KCTD8: variants seen among roughly 807,000 people sequenced by gnomAD.
KCTD8 encodes potassium channel tetramerization domain containing 8.
Under a neutral mutation model 31.5 loss-of-function variants are expected in KCTD8, and 27 were observed. That is an observed-to-expected ratio of 0.86 (90% CI 0.63 to 1.18). KCTD8 has a LOEUF of 1.18. KCTD8 is among the 50% of genes most tolerant of loss of function. The pLI, the probability that KCTD8 is intolerant of heterozygous loss-of-function variation, is 0.00. For synonymous variants in KCTD8, 290 were observed against 280.0 expected (o/e 1.04, Z -0.36); for missense variants, 658 against 647.7 (o/e 1.02, Z -0.17).
intron 1 of KCTD8, among the ~76,000 whole-genome samples, chr4:44,178,281 T>G (rs2109328522): frequency 6.6e-6 from 1 of 152,268 alleles, no homozygotes; most frequent in East Asian, 1.9e-4. Context: ...GTGGTATTTT[T>G]TGAATGTGCA....
chr4:44,357,907 T>C (rs1719386196), intron 1 of KCTD8, among the ~76,000 whole-genome samples: 1 of 151,620 alleles, frequency 6.6e-6, no homozygotes, highest in South Asian at 2.1e-4. Context: ...ATTATTATAA[T>C]TATTATTATA....
At chr4:44,320,546 T>A (rs1718267919) in intron 1 of KCTD8, among the ~76,000 whole-genome samples, 1 of 152,200 alleles carries the variant, frequency 6.6e-6, no homozygotes, top group African/African-American at 2.4e-5. Flanking sequence ...TAAAGCATCA[T>A]ACATTTTGGT....
At position 44,212,930 on chromosome 4, in the gene KCTD8, TTTTG is replaced by T. The variant is rs1005865657; in HGVS notation, c.962-37684_962-37681del. On this transcript the variant is annotated intron_variant, in intron 1 of 1. Transcript: ENST00000360029. ...ATTCACTCTTCTTTTGTCTTTGTTT[TTTTG>T]TTTGTTTGTTTGTTTGTTTTTGAGA... 5.0e-4 allele frequency among the ~76,000 whole-genome samples: 76 copies of T among 152,176 alleles called. 2 individuals are homozygous for T. The highest frequency in any genetic ancestry group is 2.2e-4 in the African/African-American group (9 of 41,526).
intron 1 of KCTD8, among the ~76,000 whole-genome samples, chr4:44,390,574 T>C (rs549618008): frequency 6.6e-6 from 1 of 152,202 alleles, no homozygotes; most frequent in East Asian, 1.9e-4. Flanking sequence ...GGTAATGTGA[T>C]GCCTCCAGAT....
intron 1 of KCTD8, among the ~76,000 whole-genome samples, chr4:44,291,972 A>C (rs572722356): frequency 5.9e-5 from 9 of 151,452 alleles, no homozygotes; most frequent in African/African-American, 9.7e-5. Flanking sequence ...AAAAAAAAAA[A>C]AAAAAAAAAA....
At chr4:44,395,137 C>A (rs965291500) in intron 1 of KCTD8, among the ~76,000 whole-genome samples, 1 of 151,996 alleles carries the variant, frequency 6.6e-6, no homozygotes, top group Non-Finnish European at 1.5e-5. Flanking sequence ...TGTGATATCT[C>A]CAACTTTTGC....
intron 1 of KCTD8, among the ~76,000 whole-genome samples, chr4:44,318,285 A>G (rs186455820): frequency 2.0e-5 from 3 of 152,262 alleles, no homozygotes; most frequent in Non-Finnish European, 4.4e-5. Flanking sequence ...CCCAGGCTCA[A>G]AGTGGTGCAA....
intron 1 of KCTD8, among the ~76,000 whole-genome samples, chr4:44,419,961 T>C (rs1721173575): frequency 6.6e-6 from 1 of 151,832 alleles, no homozygotes. Context: ...GAGTAGAAAG[T>C]TAGCAGTGAA....
intron 1 of KCTD8, among the ~76,000 whole-genome samples, chr4:44,418,854 G>T (rs1304420940): frequency 1.3e-5 from 2 of 152,142 alleles, no homozygotes; most frequent in Non-Finnish European, 2.9e-5. Context: ...AACAGTAAAT[G>T]ATCTAAAAAG....
intron 1 of KCTD8, among the ~76,000 whole-genome samples, chr4:44,344,524 A>C (rs1330307038): frequency 1.3e-5 from 2 of 152,074 alleles, no homozygotes; most frequent in Non-Finnish European, 2.9e-5. Flanking sequence ...TCTCCACTCA[A>C]ACTACTATGG....
chr4:44,297,266 CA>C, intron 1 of KCTD8, among the ~76,000 whole-genome samples: 1 of 151,986 alleles, frequency 6.6e-6, no homozygotes, highest in Non-Finnish European at 1.5e-5. Flanking sequence ...GCATTGCCAA[CA>C]AACATGTAAA....
chr4:44,364,728 A>T (rs2109432399), intron 1 of KCTD8, among the ~76,000 whole-genome samples: 1 of 152,270 alleles, frequency 6.6e-6, no homozygotes, highest in South Asian at 2.1e-4. Context: ...CAATAAAAAG[A>T]AATAAGCTAA....
intron 1 of KCTD8, among the ~76,000 whole-genome samples, chr4:44,347,074 G>A (rs1001891844): frequency 1.3e-5 from 2 of 152,112 alleles, no homozygotes; most frequent in African/African-American, 4.8e-5. Context: ...GTTATGGTTG[G>A]GGGTGTAAGC....
chr4:44,357,384 A>G (rs1022669321), intron 1 of KCTD8, among the ~76,000 whole-genome samples: 1 of 152,216 alleles, frequency 6.6e-6, no homozygotes, highest in Non-Finnish European at 1.5e-5. Context: ...ATATTTGAAT[A>G]AATGAATGAA....
intron 1 of KCTD8, among the ~76,000 whole-genome samples, chr4:44,324,875 T>C (rs1718402263): frequency 6.6e-6 from 1 of 152,050 alleles, no homozygotes; most frequent in African/African-American, 2.4e-5. Flanking sequence ...ATTTGAATGT[T>C]CCAATTTCAG....
intron 1 of KCTD8, among the ~76,000 whole-genome samples, chr4:44,303,031 G>A (rs1014810301): frequency 2.0e-5 from 3 of 152,096 alleles, no homozygotes; most frequent in Admixed American, 1.3e-4. Flanking sequence ...TTATTTATTT[G>A]TGCATATTGA....
At chr4:44,205,308 C>T (rs182463264) in intron 1 of KCTD8, among the ~76,000 whole-genome samples, 12 of 152,244 alleles carry the variant, frequency 7.9e-5, no homozygotes, top group Non-Finnish European at 4.4e-5. Context: ...AAAGTTACAT[C>T]AGTGAAGTGT....
chr4:44,414,964 AG>A (rs1721040446), intron 1 of KCTD8, among the ~76,000 whole-genome samples: 1 of 152,192 alleles, frequency 6.6e-6, no homozygotes, highest in Admixed American at 6.5e-5. Context: ...CAGGAAGCCA[AG>A]GGAAAGTTTG....
intron 1 of KCTD8, among the ~76,000 whole-genome samples, chr4:44,333,666 A>T (rs1330299757): frequency 1.3e-5 from 2 of 152,146 alleles, no homozygotes; most frequent in Non-Finnish European, 2.9e-5. Flanking sequence ...TAGGTAACAG[A>T]TTAGAAAGTA....
Sources: gnomAD v4.1 joint callset for allele counts (sites outside exome capture counted in the v4.1 genomes callset) on GRCh38, gnomAD v4.1.1 for gene constraint, MANE v1.5 for transcripts, NCBI Gene and HGNC (gene_info 2026-07-23, HGNC 2026-07-21) for gene names.